Variants in PRKDC observed in about 807,000 individuals in gnomAD.
PRKDC encodes the protein protein kinase, DNA-activated, catalytic subunit, also known as DNA-dependent protein kinase catalytic subunit.
PRKDC carries 82 observed loss-of-function variants against 486.9 expected under a neutral mutation model. That is an observed-to-expected ratio of 0.17 (90% CI 0.14 to 0.20). The LOEUF is 0.20. Among genes scored for constraint, PRKDC ranks in the 10% least tolerant of loss-of-function variants. The probability of loss-of-function intolerance (pLI) is 1.00; values close to 1 mark genes in which losing one functional copy is unlikely to be tolerated. For missense variants in PRKDC, 4,504 were observed against 5,038.2 expected (o/e 0.89, Z 3.21); for synonymous variants, 1,895 against 1,837.0 (o/e 1.03, Z -0.81).
chr8:47,834,286 ACCTTTCACT>A lies in PRKDC; in HGVS notation c.8053_8061del (p.Ser2685_Arg2687del), dbSNP rs1249124671. The A allele has an allele frequency of 6.8e-6, 11 of 1,613,800 alleles. No homozygotes were observed. The highest frequency in any genetic ancestry group is 2.7e-5 in the African/African-American group (2 of 74,884). Reference sequence around the variant, plus strand: ...ACTGACTTCAAGGGTGCTCTCTGTAACCTTTCACTCCTCTTGTGGGCAAACAGCAAGGAG... The same window carrying A: ...ACTGACTTCAAGGGTGCTCTCTGTAACCTCTTGTGGGCAAACAGCAAGGAG... On this transcript the variant is annotated inframe_deletion, in exon 59 of 86. Transcript: ENST00000314191.
intron 29 of PRKDC, among the ~76,000 whole-genome samples, chr8:47,897,789 G>GT (rs1380032944): frequency 6.6e-6 from 1 of 152,200 alleles, no homozygotes; most frequent in African/African-American, 2.4e-5. Context: ...AACTGATATC[G>GT]TAAGTTAATA....
At chr8:47,910,312 C>T (rs2089874119) in intron 25 of PRKDC, among the ~76,000 whole-genome samples, 1 of 152,196 alleles carries the variant, frequency 6.6e-6, no homozygotes, top group East Asian at 1.9e-4. Flanking sequence ...AGTGTAAAGG[C>T]CCACTGGAGT....
chr8:47,924,508 C>G (rs1033597504), intron 21 of PRKDC, among the ~76,000 whole-genome samples: 2 of 151,924 alleles, frequency 1.3e-5, no homozygotes, highest in African/African-American at 4.8e-5. Context: ...TTCAGTGAGC[C>G]AAGATTGCAC....
In PRKDC at chr8:47,950,608, G is replaced by A. The variant is rs780828653; in HGVS notation, c.721+3012C>T. Among the ~76,000 whole-genome samples the A allele has an allele frequency of 5.8e-4, 83 of 142,596 alleles. 1 individual carries two copies. The highest frequency in any genetic ancestry group is 3.3e-3 in the South Asian group (15 of 4,546). 93.5% of individuals were successfully genotyped at this position (142,596 alleles called of 152,430 possible). On this transcript the variant is annotated intron_variant, in intron 7 of 85. Transcript: ENST00000314191. The stretch of plus-strand genomic sequence containing the variant: ...CATGCCACTGCACTCCAGCCTGGGC[G>A]ACAGAGCAAGACTCCGGAAAAAAAA...
rs1324002014 is a variant in PRKDC, at chr8:47,855,340, A to G, written c.6643T>C (p.Leu2215=). The G allele has an allele frequency of 1.9e-6, 3 of 1,599,788 alleles. No homozygotes were observed. The East Asian group carries it at 6.7e-5, about 36-fold the overall frequency. The change falls in exon 50 of 86, where the codon TTG becomes CTG. Residue 2215 remains leucine (L), a synonymous_variant. Coordinates refer to ENST00000314191, the MANE Select transcript of PRKDC (RefSeq NM_006904.7). ...ACATGTTTCATTAGGAAATTAAGCA[A>G]TCGATTTGCTAACACTTCATCTTTA... ...VPKDEVLANR[L]LNFLMKHVFH... is the part of the protein sequence containing the mutation.
At chr8:47,919,723 G>GTTTTTTTTTTTT (rs200600818) in intron 21 of PRKDC, among the ~76,000 whole-genome samples, 1 of 127,050 alleles carries the variant, frequency 7.9e-6, no homozygotes, top group Non-Finnish European at 1.7e-5. Context: ...GTTTTTAGTG[G>GTTTTTTTTTTTT]TTTTTTTTTT....
chr8:47,796,864 T>C (rs992184776), intron 73 of PRKDC, among the ~76,000 whole-genome samples: 3 of 152,166 alleles, frequency 2.0e-5, no homozygotes, highest in Admixed American at 2.0e-4. Flanking sequence ...AGTGGTGAGA[T>C]TACAGGCGTG....
At chr8:47,841,156 T>C (rs1050507088) in intron 54 of PRKDC, among the ~76,000 whole-genome samples, 4 of 152,086 alleles carry the variant, frequency 2.6e-5, no homozygotes, top group Admixed American at 2.6e-4. Context: ...CCACAAGAGA[T>C]CCCACAACCC....
At chr8:47,800,535 C>G (rs2087083501) in intron 71 of PRKDC, among the ~76,000 whole-genome samples, 2 of 151,842 alleles carry the variant, frequency 1.3e-5, no homozygotes, top group African/African-American at 4.8e-5. Flanking sequence ...GTGCAGCACA[C>G]CAGCATGGCA....
intron 7 of PRKDC, among the ~76,000 whole-genome samples, chr8:47,952,214 C>A (rs1467217883): frequency 6.6e-6 from 1 of 152,098 alleles, no homozygotes; most frequent in Admixed American, 6.5e-5. Flanking sequence ...TAGAGGCAAA[C>A]CAAGTGCCCA....
chr8:47,802,146 G>A (rs2087121023), intron 70 of PRKDC, among the ~76,000 whole-genome samples: 1 of 152,058 alleles, frequency 6.6e-6, no homozygotes, highest in Non-Finnish European at 1.5e-5. Flanking sequence ...GCACAATCAT[G>A]GCTCACTGCA....
Position 47,782,631 on chromosome 8 carries a change from G to C in PRKDC, c.11176-33C>G. The C allele has an allele frequency of 6.5e-7, 1 of 1,543,254 alleles. No individual in the cohort carries two copies. The highest frequency in any genetic ancestry group is 8.8e-7 in the Non-Finnish European group (1 of 1,142,422). ...AATCAGAATGTCATCTCAGGGCACA[G>C]GCTAGCCACGTGTCAAACTCAGAGG... On this transcript the variant is annotated intron_variant, in intron 78 of 85. Transcript: ENST00000314191. The surrounding 1 kb of genome is among the most constrained non-coding windows in gnomAD (Gnocchi z 4.9).
intron 7 of PRKDC, 143 bp from the exon 8 acceptor site, chr8:47,944,172 A>G (rs1346317576): frequency 1.3e-6 from 1 of 752,110 alleles, no homozygotes; most frequent in African/African-American, 1.8e-5. Flanking sequence ...ATCCAGCTAA[A>G]GTTGCAAGTT....
chr8:47,924,665 C>A lies in PRKDC; in HGVS notation c.2419+2529G>T, dbSNP rs949671072. On this transcript the variant is annotated intron_variant, in intron 21 of 85. Transcript: ENST00000314191. ...TTCAGATACCACACTCCTAGAGGTC[C>A]CTTCAGTGGCCAGAGTACATGTAAC... 7.9e-5 allele frequency among the ~76,000 whole-genome samples: 12 copies of A among 152,144 alleles called. No homozygotes were observed. In the East Asian group the frequency reaches 2.3e-3, roughly 29 times the overall value.
intron 85 of PRKDC, 111 bp downstream of exon 85, chr8:47,776,733 A>T: frequency 2.2e-6 from 3 of 1,352,522 alleles, no homozygotes; most frequent in Non-Finnish European, 3.0e-6. Context: ...AAAGCAGAGA[A>T]GTCATGCTAA....
chr8:47,894,141 C>T (rs1321103276), intron 30 of PRKDC, among the ~76,000 whole-genome samples: 3 of 151,930 alleles, frequency 2.0e-5, no homozygotes, highest in African/African-American at 7.3e-5. Flanking sequence ...ATCAGCCAGG[C>T]GTGGTGGTGC....
At chr8:47,777,895 G>C in intron 83 of PRKDC, 21 bp from the exon 84 acceptor site, 1 of 1,608,594 alleles carries the variant, frequency 6.2e-7, no homozygotes, top group Non-Finnish European at 8.5e-7. Context: ...AAAAAGGCAA[G>C]GAGCAGAATA....
chr8:47,959,853 A>C, intron 1 of PRKDC, 120 bp downstream of exon 1: 1 of 1,438,464 alleles, frequency 7.0e-7, no homozygotes, highest in Non-Finnish European at 9.2e-7. Context: ...TCCCCCAAGA[A>C]TCTAATTGCT....
chr8:47,847,866 G>A (rs1267162206), intron 54 of PRKDC, among the ~76,000 whole-genome samples: 5 of 141,572 alleles, frequency 3.5e-5, no homozygotes, highest in Admixed American at 7.1e-5. Context: ...ACATAAAAGC[G>A]GCCAACAAAT....
Sources: allele counts gnomAD v4.1 joint callset (sites outside exome capture counted in the v4.1 genomes callset), GRCh38; gene constraint gnomAD v4.1.1; non-coding constraint Gnocchi (gnomAD v3.1); transcripts MANE v1.5; gene names NCBI Gene and HGNC (gene_info 2026-07-23, HGNC 2026-07-21).